Variants in PARP4 observed in about 807,000 individuals in gnomAD.
PARP4 encodes the protein protein mono-ADP-ribosyltransferase PARP4.
Under a neutral mutation model 187.7 loss-of-function variants are expected in PARP4, and 120 were observed. The ratio of observed to expected loss-of-function variants is 0.64; its 90% confidence interval spans 0.55 to 0.74. The LOEUF is 0.74. Ranked by LOEUF, PARP4 falls within the 30% of genes least tolerant of loss-of-function variation. PARP4 has a pLI of 0.00. For synonymous variants in PARP4, 654 were observed against 740.9 expected (o/e 0.88, Z 1.90); for missense variants, 1,836 against 2,070.5 (o/e 0.89, Z 2.20).
rs186914582 is a variant in PARP4 at position 24,498,599 on chromosome 13, T to C, written c.478-370A>G. Among the ~76,000 whole-genome samples, 12 of 152,278 alleles carry C rather than the reference T, an allele frequency of 7.9e-5. No individual in the cohort carries two copies. The East Asian group carries it at 1.3e-3, about 17-fold the overall frequency. ...GAAGGCTAGTGTCGATTTATATCTA[T>C]ATATATATTTTAGAGACAGGTCTTG... On this transcript the variant is annotated intron_variant, in intron 5 of 33. Coordinates refer to ENST00000381989, the MANE Select transcript of PARP4 (RefSeq NM_006437.4).
rs151308308 is a variant in PARP4 at position 24,503,296 on chromosome 13, G to A, written c.132+349C>T. ...CAGCGTTGACATACTGGTGAGTGAC[G>A]ACAGTGCGCTTTTTGCAAATCCTGT... On this transcript the variant is annotated intron_variant, in intron 2 of 33. Transcript: ENST00000381989. Among the ~76,000 whole-genome samples, 4 of 152,338 alleles carry A rather than the reference G, an allele frequency of 2.6e-5. No homozygotes were observed. In the South Asian group the frequency reaches 6.2e-4, roughly 24 times the overall value.
At chr13:24,501,515 A>G (rs867111788) in intron 3 of PARP4, 118 bp downstream of exon 3, 19 of 695,394 alleles carry the variant, frequency 2.7e-5, no homozygotes, top group Admixed American at 1.8e-4. Context: ...TTCTGAGGTA[A>G]TAAGTCTAAT....
At chr13:24,512,077 C>T (rs10467415) in intron 1 of PARP4, among the ~76,000 whole-genome samples, 4,572 of 152,292 alleles carry the variant, frequency 0.03, 223 homozygotes, top group African/African-American at 0.099. Context: ...TTGTTGTCAT[C>T]CAGCAGTCCA....
chr13:24,451,303 G>A (rs1297421331), intron 24 of PARP4, among the ~76,000 whole-genome samples: 1 of 152,212 alleles, frequency 6.6e-6, no homozygotes, highest in South Asian at 2.1e-4. Context: ...AACAACTCCT[G>A]GTGGAGCTGC....
intron 30 of PARP4, among the ~76,000 whole-genome samples, chr13:24,437,090 G>T (rs893266956): frequency 3.9e-5 from 6 of 151,940 alleles, no homozygotes; most frequent in Non-Finnish European, 8.8e-5. Flanking sequence ...TCCAGCAATA[G>T]CTCCTAAATC....
chr13:24,506,345 C>T lies in PARP4; in HGVS notation c.-1-2568G>A, dbSNP rs1160293702. Among the ~76,000 whole-genome samples, 3 of 152,128 alleles carry T rather than the reference C, an allele frequency of 2.0e-5. No individual in the cohort carries two copies. The South Asian group carries it at 6.2e-4, about 31-fold the overall frequency. ...CAGTGCGGACCCAAACAGTGAGCAG[C>T]AACAAAATTTACTGCAAGGAGTGAA... On this transcript the variant is annotated intron_variant, in intron 1 of 33. Coordinates refer to ENST00000381989, the MANE Select transcript of PARP4 (RefSeq NM_006437.4).
intron 7 of PARP4, among the ~76,000 whole-genome samples, chr13:24,494,197 C>T (rs1427850159): frequency 2.0e-5 from 3 of 152,174 alleles, no homozygotes; most frequent in Admixed American, 6.5e-5. Flanking sequence ...TCCCTCCTGA[C>T]ATTTATTTAT....
intron 33 of PARP4, among the ~76,000 whole-genome samples, chr13:24,425,561 G>GTATA (rs1327443677): frequency 0.012 from 1,660 of 137,628 alleles, 45 homozygotes; most frequent in Admixed American, 0.062. Context: ...GTGTGTGTGT[G>GTATA]TGTGTGTGTA....
At chr13:24,493,512 C>T in intron 8 of PARP4, 84 bp downstream of exon 8, 1 of 1,310,280 alleles carries the variant, frequency 7.6e-7, no homozygotes, top group South Asian at 1.4e-5. Context: ...GTCAGGCCAG[C>T]ATGCAAACAC....
At chr13:24,472,648 C>T (rs1355235367) in intron 15 of PARP4, among the ~76,000 whole-genome samples, 2 of 152,148 alleles carry the variant, frequency 1.3e-5, no homozygotes, top group African/African-American at 2.4e-5. Flanking sequence ...ACTTTCCAAG[C>T]TCTACCACTG....
chr13:24,499,950 G>C (rs1869179792), intron 4 of PARP4, among the ~76,000 whole-genome samples: 1 of 151,794 alleles, frequency 6.6e-6, no homozygotes, highest in Non-Finnish European at 1.5e-5. Context: ...GAAGGCTGTT[G>C]TTATTTCCAT....
chr13:24,453,592 T>C lies in PARP4; in HGVS notation c.2821A>G (p.Ile941Val). The C allele has an allele frequency of 6.3e-7, 1 of 1,590,754 alleles. No individual in the cohort carries two copies. The highest frequency in any genetic ancestry group is 8.6e-7 in the Non-Finnish European group (1 of 1,158,758). The change falls in exon 23 of 34, where the codon ATC (isoleucine) becomes GTC (valine). Residue 941 changes from isoleucine to valine, a missense_variant. Ile to Val is a conservative substitution (Grantham distance 29, BLOSUM62 3). Coordinates refer to ENST00000381989, the MANE Select transcript of PARP4 (RefSeq NM_006437.4). ...ITSNTMAAEFIMSATPTMGNT... is the reference protein window; with the variant it reads ...ITSNTMAAEFVMSATPTMGNT... ...AGGAAGCCTCTTGCACTCACCATGA[T>C]GAACTCTGCTGCCATGGTATTGCTT...
At chr13:24,497,614 T>G (rs1427808620) in intron 6 of PARP4, among the ~76,000 whole-genome samples, 1 of 152,210 alleles carries the variant, frequency 6.6e-6, no homozygotes, top group Non-Finnish European at 1.5e-5. Flanking sequence ...ATTTCCCCTT[T>G]GCAAAATTAT....
intron 1 of PARP4, among the ~76,000 whole-genome samples, chr13:24,506,784 G>C (rs764579827): frequency 6.6e-6 from 1 of 152,230 alleles, no homozygotes; most frequent in African/African-American, 2.4e-5. Context: ...CAGGGCCGCA[G>C]GTGGAGCTGC....
At chr13:24,448,283 C>CT (rs1871313983) in intron 25 of PARP4, among the ~76,000 whole-genome samples, 1 of 152,032 alleles carries the variant, frequency 6.6e-6, no homozygotes. Context: ...TGGCATATGC[C>CT]TGTAGTCCCA....
intron 1 of PARP4, among the ~76,000 whole-genome samples, chr13:24,504,301 T>G (rs1869479858): frequency 6.8e-6 from 1 of 146,138 alleles, no homozygotes; most frequent in South Asian, 2.2e-4. Context: ...ATTCTGCATT[T>G]AGGTTCTTTT....
At chr13:24,477,039 C>T (rs1034649780) in intron 14 of PARP4, among the ~76,000 whole-genome samples, 2 of 152,222 alleles carry the variant, frequency 1.3e-5, no homozygotes, top group African/African-American at 4.8e-5. Flanking sequence ...CTCCCCACCC[C>T]ATTACACTTT....
At chr13:24,481,457 C>T (rs1873278281) in intron 12 of PARP4, among the ~76,000 whole-genome samples, 1 of 152,202 alleles carries the variant, frequency 6.6e-6, no homozygotes, top group Non-Finnish European at 1.5e-5. Context: ...CTTTGGGAGG[C>T]CAAGGCAGGC....
intron 33 of PARP4, among the ~76,000 whole-genome samples, chr13:24,426,210 G>A (rs1870041191): frequency 1.3e-5 from 2 of 152,118 alleles, no homozygotes; most frequent in African/African-American, 4.8e-5. Context: ...ACCACATCCA[G>A]AGCCCAGAAG....
Sources: gnomAD v4.1 joint callset for allele counts (sites outside exome capture counted in the v4.1 genomes callset) on GRCh38, gnomAD v4.1.1 for gene constraint, MANE v1.5 for transcripts, NCBI Gene and HGNC (gene_info 2026-07-23, HGNC 2026-07-21) for gene names.